Variants in ITGA9 observed in about 807,000 individuals in gnomAD.
The protein encoded by ITGA9 is integrin subunit alpha 9, also known as integrin alpha-9.
ITGA9 carries 56 observed loss-of-function variants against 127.8 expected under a neutral mutation model. The observed-to-expected ratio is 0.44, with a 90% CI of 0.35 to 0.55. The LOEUF (loss-of-function observed/expected upper bound fraction) is 0.55, where lower values mean the gene tolerates loss of function less well. Among genes scored for constraint, ITGA9 ranks in the 20% least tolerant of loss-of-function variants. ITGA9 has a pLI of 0.00. For synonymous variants in ITGA9, 508 were observed against 514.5 expected (o/e 0.99, Z 0.17); for missense variants, 1,196 against 1,347.1 (o/e 0.89, Z 1.76).
chr3:37,597,443 A>G lies in ITGA9; in HGVS notation c.1690-31744A>G, dbSNP rs1447110150. Among the ~76,000 whole-genome samples, 1 of 152,024 alleles carries G rather than the reference A, an allele frequency of 6.6e-6. No individual in the cohort carries two copies. Among genetic ancestry groups the G allele is most frequent in the African/African-American group, 2.4e-5 (1 of 41,384 alleles). Reference sequence around the variant, plus strand: ...CCAGGTAAGAAGTCTGCGGTGGTCTAATGGTGGAGGTGAAGAGAAGAGGGC... The same window carrying G: ...CCAGGTAAGAAGTCTGCGGTGGTCTGATGGTGGAGGTGAAGAGAAGAGGGC... On this transcript the variant is annotated intron_variant, in intron 15 of 27. Transcript: ENST00000264741. The surrounding 1 kb of genome is among the most constrained non-coding windows in gnomAD (Gnocchi z 4.6).
chr3:37,714,319 C>A (rs962605626), intron 18 of ITGA9, among the ~76,000 whole-genome samples: 2 of 152,226 alleles, frequency 1.3e-5, no homozygotes, highest in Admixed American at 6.5e-5. Context: ...TTCAGCACTT[C>A]CTCACCACAG....
At chr3:37,593,395 C>A (rs1044295822) in intron 15 of ITGA9, among the ~76,000 whole-genome samples, 1 of 152,164 alleles carries the variant, frequency 6.6e-6, no homozygotes, top group African/African-American at 2.4e-5. Context: ...ATACAGAGGG[C>A]TGACTATCCC....
Position 37,670,704 on chromosome 3 carries a change from GT to G in ITGA9, c.1917-13153del, listed in dbSNP as rs561548771. On this transcript the variant is annotated intron_variant, in intron 17 of 27. Transcript: ENST00000264741. Reference sequence around the variant, plus strand: ...ACCTCCAGATCTTTTTATTTAATATGTTTTTTTTAAAGCATATTGCTAAACT... The same window carrying G: ...ACCTCCAGATCTTTTTATTTAATATGTTTTTTTAAAGCATATTGCTAAACT... Among the ~76,000 whole-genome samples the G allele has an allele frequency of 9.9e-4, 150 of 152,052 alleles. 1 individual carries two copies. Among genetic ancestry groups the G allele is most frequent in the African/African-American group, 1.4e-3 (57 of 41,468 alleles).
intron 15 of ITGA9, among the ~76,000 whole-genome samples, chr3:37,563,354 C>T (rs993274465): frequency 6.6e-6 from 1 of 152,206 alleles, no homozygotes; most frequent in Non-Finnish European, 1.5e-5. Context: ...GAGCAGCCAG[C>T]AACTCCCTTC....
At chr3:37,716,227 TG>T (rs1364102591) in intron 18 of ITGA9, among the ~76,000 whole-genome samples, 2 of 152,168 alleles carry the variant, frequency 1.3e-5, no homozygotes, top group South Asian at 2.1e-4. Flanking sequence ...TGGTGGCATC[TG>T]GGGGGTCAAT....
intron 17 of ITGA9, among the ~76,000 whole-genome samples, chr3:37,658,346 T>C (rs1003817646): frequency 5.3e-5 from 8 of 152,200 alleles, no homozygotes; most frequent in Admixed American, 3.3e-4. Flanking sequence ...CTCTAAGAAC[T>C]TGCTTTATGA....
chr3:37,675,663 C>T (rs1457880444), intron 17 of ITGA9, among the ~76,000 whole-genome samples: 1 of 150,530 alleles, frequency 6.6e-6, no homozygotes, highest in East Asian at 2.0e-4. Context: ...CTTTTTTTTT[C>T]AGCATTTCAC....
rs537072175 is a variant in ITGA9 at position 37,606,490 on chromosome 3, G to A, written c.1690-22697G>A. Among the ~76,000 whole-genome samples the A allele has an allele frequency of 7.5e-4, 114 of 152,298 alleles. 2 individuals are homozygous for A. The Middle Eastern group carries it at 0.01, about 14-fold the overall frequency. The stretch of plus-strand genomic sequence containing the variant: ...CACAGCTGTATTGGACAGCACAGCT[G>A]TAGAAGGATGTTTTCTCTCATGGAA... On this transcript the variant is annotated intron_variant, in intron 15 of 27. Transcript: ENST00000264741.
At chr3:37,610,871 T>G (rs1388965093) in intron 15 of ITGA9, among the ~76,000 whole-genome samples, 1 of 152,242 alleles carries the variant, frequency 6.6e-6, no homozygotes, top group Non-Finnish European at 1.5e-5. Flanking sequence ...TAGGTGGTAT[T>G]TATTAAGTGG....
chr3:37,629,136 G>T lies in ITGA9; in HGVS notation c.1690-51G>T. 1.9e-6 allele frequency: 3 copies of T among 1,606,386 alleles called. No individual in the cohort carries two copies. The South Asian group carries it at 3.3e-5, about 18-fold the overall frequency. ...CTTTGTAAACTGTGAAATGCTCTAC[G>T]ACTGTCAGCCAGGATTAGTAGTTAA... On this transcript the variant is annotated intron_variant, in intron 15 of 27. Coordinates refer to ENST00000264741, the MANE Select transcript of ITGA9 (RefSeq NM_002207.3). This position sits in a 1 kb window ranked among gnomAD's most constrained non-coding sequence, Gnocchi z 4.5.
intron 27 of ITGA9, among the ~76,000 whole-genome samples, chr3:37,812,867 G>A (rs1373005392): frequency 1.3e-5 from 2 of 152,274 alleles, no homozygotes; most frequent in East Asian, 1.9e-4. Flanking sequence ...GGAAGTGAGT[G>A]TGGGGCTGCT....
intron 5 of ITGA9, among the ~76,000 whole-genome samples, chr3:37,497,290 C>T (rs1047546843): frequency 6.7e-6 from 1 of 149,728 alleles, no homozygotes; most frequent in Non-Finnish European, 1.5e-5. Context: ...TCTTTATCAT[C>T]CTGGCAATAA....
intron 3 of ITGA9, among the ~76,000 whole-genome samples, chr3:37,478,970 T>C (rs1192532909): frequency 6.6e-6 from 1 of 152,222 alleles, no homozygotes; most frequent in East Asian, 1.9e-4. Context: ...TAAGTGTCAG[T>C]GTGCAGCTGG....
chr3:37,627,452 C>T (rs1261352975), intron 15 of ITGA9, among the ~76,000 whole-genome samples: 1 of 152,082 alleles, frequency 6.6e-6, no homozygotes, highest in African/African-American at 2.4e-5. Flanking sequence ...CCTCCTCTCC[C>T]CCCGCAGCCC....
chr3:37,734,311 T>C (rs1320125393), intron 19 of ITGA9, among the ~76,000 whole-genome samples: 2 of 152,232 alleles, frequency 1.3e-5, no homozygotes, highest in African/African-American at 4.8e-5. Flanking sequence ...TGGACACTAT[T>C]GCCTATAGTA....
At chr3:37,521,132 A>AG (rs1318377301) in intron 11 of ITGA9, among the ~76,000 whole-genome samples, 1 of 152,202 alleles carries the variant, frequency 6.6e-6, no homozygotes, top group Non-Finnish European at 1.5e-5. Context: ...GGAAAAAAAA[A>AG]GAAAGAAGCA....
At chr3:37,619,035 G>A (rs1346927578) in intron 15 of ITGA9, among the ~76,000 whole-genome samples, 4 of 152,130 alleles carry the variant, frequency 2.6e-5, no homozygotes, top group South Asian at 2.1e-4. Context: ...TGCAGAAATC[G>A]CCCGTCTTCT....
chr3:37,491,867 G>C (rs1200869338), intron 4 of ITGA9, among the ~76,000 whole-genome samples: 3 of 152,174 alleles, frequency 2.0e-5, no homozygotes, highest in Non-Finnish European at 2.9e-5. Context: ...CTGCCCTCTT[G>C]ACATATATAT....
At position 37,816,985 on chromosome 3, in the gene ITGA9, G is replaced by A. The variant is rs552952136; in HGVS notation, c.3010-1906G>A. Among the ~76,000 whole-genome samples the A allele has an allele frequency of 3.1e-3, 468 of 152,304 alleles. 1 individual carries two copies. The highest frequency in any genetic ancestry group is 5.4e-3 in the Non-Finnish European group (370 of 68,034). Reference sequence around the variant, plus strand: ...CCTGCTGGCTCTCTTGACAGTTCTCGTCTTTGGCTTGGCCAATAAACCCCC... The same window carrying A: ...CCTGCTGGCTCTCTTGACAGTTCTCATCTTTGGCTTGGCCAATAAACCCCC... On this transcript the variant is annotated intron_variant, in intron 27 of 27. Coordinates refer to ENST00000264741, the MANE Select transcript of ITGA9 (RefSeq NM_002207.3).
Sources: allele counts gnomAD v4.1 joint callset (sites outside exome capture counted in the v4.1 genomes callset), GRCh38; gene constraint gnomAD v4.1.1; non-coding constraint Gnocchi (gnomAD v3.1); transcripts MANE v1.5; gene names NCBI Gene and HGNC (gene_info 2026-07-23, HGNC 2026-07-21).